TCAF1: variants seen among roughly 807,000 people sequenced by gnomAD.
TCAF1 encodes the protein TRPM8 channel associated factor 1.
TCAF1 carries 4 observed loss-of-function variants against 27.3 expected under a neutral mutation model. The observed-to-expected ratio is 0.15, with a 90% CI of 0.07 to 0.34. The LOEUF (loss-of-function observed/expected upper bound fraction) is 0.34. TCAF1 is among the 10% of genes least tolerant of loss of function. The pLI is 1.00. For synonymous variants in TCAF1, 105 were observed against 167.1 expected, an observed-to-expected ratio of 0.63 and a Z score of 2.87; for missense variants, 257 against 425.8, an observed-to-expected ratio of 0.60 and a Z score of 3.49.
intron 1 of TCAF1, among the ~76,000 whole-genome samples, chr7:143,892,224 C>T (rs1448008466): frequency 1.3e-5 from 2 of 151,736 alleles, no homozygotes; most frequent in African/African-American, 4.8e-5. Context: ...AACAAAATGC[C>T]TTATGGAATA....
intron 1 of TCAF1, among the ~76,000 whole-genome samples, chr7:143,879,323 A>T (rs1812891010): frequency 6.6e-6 from 1 of 152,250 alleles, no homozygotes; most frequent in South Asian, 2.1e-4. Flanking sequence ...TTGTTAAAAA[A>T]GATGATACTT....
chr7:143,887,041 T>A (rs975466301), intron 1 of TCAF1, among the ~76,000 whole-genome samples: 2 of 151,938 alleles, frequency 1.3e-5, no homozygotes, highest in African/African-American at 4.8e-5. Context: ...TATCTCCTCT[T>A]TCTCAGTCTC....
chr7:143,899,404 C>T (rs1359777266), intron 1 of TCAF1, among the ~76,000 whole-genome samples: 1 of 152,148 alleles, frequency 6.6e-6, no homozygotes, highest in Non-Finnish European at 1.5e-5. Flanking sequence ...CGAATTCATG[C>T]TTATATGGAA....
chr7:143,882,841 G>C (rs1367752847), intron 1 of TCAF1: 5 of 985,654 alleles, frequency 5.1e-6, no homozygotes, highest in African/African-American at 1.7e-5. Context: ...CTGGGCGACC[G>C]AGCCGGGATT....
At chr7:143,897,411 T>C (rs1352223131) in intron 1 of TCAF1, among the ~76,000 whole-genome samples, 1 of 151,608 alleles carries the variant, frequency 6.6e-6, no homozygotes, top group African/African-American at 2.4e-5. Context: ...ATTTTCTTTT[T>C]CTCTAGTTAA....
rs532552698 is a variant in TCAF1 at position 143,885,297 on chromosome 7, G to C, written c.-14-8675C>G. The C allele has an allele frequency of 2.5e-5, 25 of 985,578 alleles. No individual in the cohort carries two copies. In the African/African-American group the frequency reaches 3.5e-4, roughly 14 times the overall value. The allele number at this position is 985,578 out of a possible 1,614,324, so 61.1% of individuals were successfully genotyped here. A position where few individuals can be genotyped will look rare whatever the true frequency, so the allele number is the denominator to read the frequency against. On this transcript the variant is annotated intron_variant, in intron 1 of 8. Transcript: ENST00000479870. ...GGGAAGGCGCTGGGGCAGACGCCTT[G>C]GGAATTTGCAAATTGGTAGTGAAGT...
At position 143,882,751 on chromosome 7, in the gene TCAF1, T is replaced by C. The variant is rs1023116123; in HGVS notation, c.-14-6129A>G. The C allele has an allele frequency of 1.2e-5, 12 of 985,504 alleles. No individual in the cohort carries two copies. The African/African-American group carries it at 1.7e-4, about 14-fold the overall frequency. The allele number at this position is 985,504 out of a possible 1,614,324, so 61.0% of individuals were successfully genotyped here. On this transcript the variant is annotated intron_variant, in intron 1 of 8. Coordinates refer to ENST00000479870, the MANE Select transcript of TCAF1 (RefSeq NM_014719.3). ...GGCCACTCACCAGGTCACCCTGCGA[T>C]TTCCACGGGGGCAGGTGGGAGCGGG...
At chr7:143,877,807 A>G (rs1812798099) in intron 1 of TCAF1, among the ~76,000 whole-genome samples, 1 of 152,172 alleles carries the variant, frequency 6.6e-6, no homozygotes, top group Admixed American at 6.5e-5. Flanking sequence ...GTGCGGCCCG[A>G]GGTAACCTCT....
At chr7:143,884,290 T>C (rs1265475173) in intron 1 of TCAF1, among the ~76,000 whole-genome samples, 1 of 152,066 alleles carries the variant, frequency 6.6e-6, no homozygotes, top group African/African-American at 2.4e-5. Context: ...ACTCCCTTTC[T>C]CCAAATTGGA....
intron 1 of TCAF1, among the ~76,000 whole-genome samples, chr7:143,883,752 G>A (rs188168498): frequency 1.0e-3 from 159 of 152,184 alleles, no homozygotes; most frequent in Non-Finnish European, 1.7e-3. Flanking sequence ...TGATCCGCCC[G>A]CCTCGGCCTC....
At chr7:143,892,665 C>T (rs967515163) in intron 1 of TCAF1, among the ~76,000 whole-genome samples, 6 of 151,200 alleles carry the variant, frequency 4.0e-5, no homozygotes, top group Non-Finnish European at 7.4e-5. Context: ...ATGTTTGTGT[C>T]CCTCCAAAAT....
intron 1 of TCAF1, among the ~76,000 whole-genome samples, chr7:143,888,552 T>C (rs1308609567): frequency 6.6e-6 from 1 of 152,212 alleles, no homozygotes; most frequent in Non-Finnish European, 1.5e-5. Context: ...AAAAGATCAA[T>C]GAGAATGAAT....
At position 143,859,982 on chromosome 7, in the gene TCAF1, TATATA is replaced by T. The variant is rs1331681335; in HGVS notation, c.2167+221_2167+225del. ...GGAATATATATTATATAATATATATTATATAATATATATTATATAATATATATATA... is the reference window on the plus strand; with the variant it reads ...GGAATATATATTATATAATATATATTATATATATTATATAATATATATATA... On this transcript the variant is annotated intron_variant, in intron 6 of 8. Transcript: ENST00000479870. Among the ~76,000 whole-genome samples, 2 of 15,436 alleles carry T rather than the reference TATATA, an allele frequency of 1.3e-4. 1 individual carries two copies. Among genetic ancestry groups the T allele is most frequent in the African/African-American group, 2.5e-4 (2 of 7,876 alleles). 10.1% of individuals were successfully genotyped at this position (15,436 alleles called of 152,430 possible). A position where few individuals can be genotyped will look rare whatever the true frequency, so the allele number is the denominator to read the frequency against.
intron 1 of TCAF1, chr7:143,882,403 C>T: frequency 1.0e-6 from 1 of 985,388 alleles, no homozygotes; most frequent in Non-Finnish European, 1.2e-6. Context: ...GGATTAGACG[C>T]GGTTCTCTAG....
intron 1 of TCAF1, chr7:143,882,559 G>C (rs1026341320): frequency 1.0e-6 from 1 of 985,256 alleles, no homozygotes; most frequent in African/African-American, 1.7e-5. Flanking sequence ...ACACAAAGGG[G>C]ATTCTCTGTC....
chr7:143,883,500 C>T (rs377019973), intron 1 of TCAF1, among the ~76,000 whole-genome samples: 98 of 98,090 alleles, frequency 1.0e-3, no homozygotes, highest in African/African-American at 2.8e-3. Context: ...TTTCCTTTTT[C>T]TTTTTTTTTT....
intron 1 of TCAF1, among the ~76,000 whole-genome samples, chr7:143,898,661 C>G (rs1042147269): frequency 6.6e-6 from 1 of 151,978 alleles, no homozygotes; most frequent in Non-Finnish European, 1.5e-5. Flanking sequence ...AAAAATAGTA[C>G]AAAACATTGA....
chr7:143,896,132 T>A (rs761357969), intron 1 of TCAF1, among the ~76,000 whole-genome samples: 67 of 151,788 alleles, frequency 4.4e-4, no homozygotes, highest in Admixed American at 9.2e-4. Flanking sequence ...GTTTACTACA[T>A]ATATATTTAA....
intron 1 of TCAF1, among the ~76,000 whole-genome samples, chr7:143,879,057 T>C (rs1333419398): frequency 6.6e-6 from 1 of 152,192 alleles, no homozygotes. Flanking sequence ...TCCTGCCTTT[T>C]CTCCTGCTGC....
Sources: gnomAD v4.1 joint callset for allele counts (sites outside exome capture counted in the v4.1 genomes callset) on GRCh38, gnomAD v4.1.1 for gene constraint, MANE v1.5 for transcripts, NCBI Gene and HGNC (gene_info 2026-07-23, HGNC 2026-07-21) for gene names.